TTYH2: variants seen among roughly 807,000 people sequenced by gnomAD.
TTYH2 encodes protein tweety homolog 2.
In TTYH2, 49 loss-of-function variants were observed where a neutral mutation model predicts 68.3. The observed-to-expected ratio is 0.72, with a 90% CI of 0.57 to 0.91. TTYH2 has a LOEUF of 0.91. Among genes scored for constraint, TTYH2 ranks in the 40% least tolerant of loss-of-function variants. The pLI, the probability that TTYH2 is intolerant of heterozygous loss-of-function variation, is 0.00. For missense variants in TTYH2, 631 were observed against 700.4 expected (o/e 0.90, Z 1.12); for synonymous variants, 272 against 300.8 (o/e 0.90, Z 0.99).
intron 11 of TTYH2, 81 bp from the exon 12 acceptor site, chr17:74,253,000 G>A (rs1184312325): frequency 6.8e-7 from 1 of 1,467,478 alleles, no homozygotes; most frequent in East Asian, 2.3e-5. Flanking sequence ...GGGAGGAAAG[G>A]CAGGGAAGTA....
chr17:74,244,101 C>T (rs1426520935), intron 6 of TTYH2, 52 bp downstream of exon 6: 2 of 1,554,660 alleles, frequency 1.3e-6, no homozygotes, highest in East Asian at 4.5e-5. Context: ...TGCCAGGACA[C>T]TCTGGTGTGT....
chr17:74,259,596 G>T (rs1033738629), intron 13 of TTYH2, among the ~76,000 whole-genome samples: 2 of 152,142 alleles, frequency 1.3e-5, no homozygotes, highest in African/African-American at 4.8e-5. Flanking sequence ...GGCTCCCCAG[G>T]TGTTTCTGGC....
Position 74,260,116 on chromosome 17 carries a change from T to C in TTYH2, c.1525-13T>C. ...ACTCAGCTCTGACCATCCCCTCTCTTCTCTCTTGGCAGTACTCTCCCAGCA... is the reference window on the plus strand; with the variant it reads ...ACTCAGCTCTGACCATCCCCTCTCTCCTCTCTTGGCAGTACTCTCCCAGCA... On this transcript the variant is annotated splice_polypyrimidine_tract_variant and intron_variant, in intron 13 of 13. Transcript: ENST00000269346. 6.2e-7 allele frequency: 1 copy of C among 1,612,746 alleles called. No homozygotes were observed. The highest frequency in any genetic ancestry group is 2.2e-5 in the East Asian group (1 of 44,854).
intron 13 of TTYH2, among the ~76,000 whole-genome samples, chr17:74,255,474 C>T (rs911189214): frequency 6.6e-6 from 1 of 151,352 alleles, no homozygotes; most frequent in Non-Finnish European, 1.5e-5. Flanking sequence ...TTTTTTGAGA[C>T]GGAGTCTCAC....
At chr17:74,238,113 G>A (rs868523578) in intron 4 of TTYH2, among the ~76,000 whole-genome samples, 3 of 152,072 alleles carry the variant, frequency 2.0e-5, no homozygotes, top group South Asian at 2.1e-4. Context: ...TCCCGCACAC[G>A]GTGGGGTGCT....
At position 74,213,574 on chromosome 17, in the gene TTYH2, ACT is replaced by A; in HGVS notation, c.-12_-11del. On this transcript the variant is annotated 5_prime_UTR_variant, in exon 1 of 14. Coordinates refer to ENST00000269346, the MANE Select transcript of TTYH2 (RefSeq NM_032646.6). This position sits in a 1 kb window ranked among gnomAD's most constrained non-coding sequence, Gnocchi z 6.1. ...AGCTGTCGTTCAGCTTGTGGGTAGC[ACT>A]CGGGCCGAGCCATGCAGGCGGCGCG... 6.2e-7 allele frequency: 1 copy of A among 1,606,228 alleles called. No homozygotes were observed. Among genetic ancestry groups the A allele is most frequent in the Non-Finnish European group, 8.5e-7 (1 of 1,177,448 alleles).
intron 3 of TTYH2, among the ~76,000 whole-genome samples, chr17:74,235,798 G>A (rs1280727255): frequency 6.6e-6 from 1 of 151,654 alleles, no homozygotes; most frequent in African/African-American, 2.4e-5. Context: ...GGAGGCTGAG[G>A]CAGGAGAATC....
At position 74,215,191 on chromosome 17, in the gene TTYH2, G is replaced by A. The variant is rs2050210599; in HGVS notation, c.129+1475G>A. Among the ~76,000 whole-genome samples, 1 of 152,038 alleles carries A rather than the reference G, an allele frequency of 6.6e-6. No individual in the cohort carries two copies. Among genetic ancestry groups the A allele is most frequent in the Admixed American group, 6.6e-5 (1 of 15,264 alleles). ...CAGCCGTGTGTGTGTGTGTGTGTGT[G>A]TGTGTGTGTGTGTCCCCATCCCAAA... On this transcript the variant is annotated intron_variant, in intron 1 of 13. Transcript: ENST00000269346. The surrounding 1 kb of genome is among the most constrained non-coding windows in gnomAD (Gnocchi z 4.3).
At chr17:74,243,213 G>A (rs772377749) in intron 4 of TTYH2, among the ~76,000 whole-genome samples, 161 bp from the exon 5 acceptor site, 6 of 152,126 alleles carry the variant, frequency 3.9e-5, no homozygotes, top group Non-Finnish European at 7.4e-5. Flanking sequence ...TGCAGCTCCC[G>A]AGGCTTCAGC....
At chr17:74,253,310 C>T (rs1387869324) in intron 12 of TTYH2, 44 bp downstream of exon 12, 27 of 1,524,562 alleles carry the variant, frequency 1.8e-5, no homozygotes, top group Non-Finnish European at 2.3e-5. Context: ...ACTGCCCGGA[C>T]AGCATGTTGG....
intron 1 of TTYH2, among the ~76,000 whole-genome samples, chr17:74,221,731 T>C (rs2143718769): frequency 6.6e-6 from 1 of 152,302 alleles, no homozygotes; most frequent in Non-Finnish European, 1.5e-5. Context: ...CTCAGGCCCC[T>C]CCGGCCCCCT....
intron 10 of TTYH2, among the ~76,000 whole-genome samples, chr17:74,250,926 C>CACAGAA (rs61388469): frequency 0.41 from 62,801 of 151,658 alleles, 13,639 homozygotes; most frequent in African/African-American, 0.53. Flanking sequence ...CATTTTATAT[C>CACAGAA]CAGTATGTCA....
intron 11 of TTYH2, 84 bp from the exon 12 acceptor site, chr17:74,252,997 A>G (rs1415507665): frequency 1.4e-6 from 2 of 1,446,318 alleles, no homozygotes; most frequent in East Asian, 2.3e-5. Context: ...CCTGGGAGGA[A>G]AGGCAGGGAA....
At position 74,213,790 on chromosome 17, in the gene TTYH2, C is replaced by T; in HGVS notation, c.129+74C>T. 2 of 1,539,380 alleles carry T rather than the reference C, an allele frequency of 1.3e-6. No homozygotes were observed. The highest frequency in any genetic ancestry group is 1.2e-5 in the South Asian group (1 of 84,026). On this transcript the variant is annotated intron_variant, in intron 1 of 13. Coordinates refer to ENST00000269346, the MANE Select transcript of TTYH2 (RefSeq NM_032646.6). This position sits in a 1 kb window ranked among gnomAD's most constrained non-coding sequence, Gnocchi z 6.1. ...GCACTACCCCCTCTCCCCTCGAGAGCCTGCACTTTCCCACGTGCCTCTCAG... is the reference window on the plus strand; with the variant it reads ...GCACTACCCCCTCTCCCCTCGAGAGTCTGCACTTTCCCACGTGCCTCTCAG...
intron 9 of TTYH2, 47 bp downstream of exon 9, chr17:74,250,075 A>T: frequency 6.2e-7 from 1 of 1,600,866 alleles, no homozygotes. Flanking sequence ...GAACCCTGAC[A>T]GCCCTTTCCC....
At chr17:74,227,229 C>T (rs1308830037) in intron 2 of TTYH2, among the ~76,000 whole-genome samples, 1 of 152,226 alleles carries the variant, frequency 6.6e-6, no homozygotes, top group Non-Finnish European at 1.5e-5. Flanking sequence ...CCTGCCTCAG[C>T]CTCCCAAAGT....
intron 4 of TTYH2, among the ~76,000 whole-genome samples, chr17:74,240,433 T>G (rs1364299454): frequency 6.7e-6 from 1 of 149,762 alleles, no homozygotes; most frequent in Admixed American, 6.6e-5. Flanking sequence ...AGTGAGACTC[T>G]GTCTCAAAAA....
intron 2 of TTYH2, among the ~76,000 whole-genome samples, chr17:74,225,877 C>T (rs1051624091): frequency 2.6e-5 from 4 of 152,138 alleles, no homozygotes; most frequent in African/African-American, 4.8e-5. Flanking sequence ...GGCAGAGGGT[C>T]GCATAGATGC....
chr17:74,257,640 A>T (rs913810184), intron 13 of TTYH2, among the ~76,000 whole-genome samples: 3 of 152,148 alleles, frequency 2.0e-5, no homozygotes, highest in African/African-American at 7.2e-5. Flanking sequence ...CTTGCTGGAA[A>T]TGTTTCTTCC....
Sources: allele counts gnomAD v4.1 joint callset (sites outside exome capture counted in the v4.1 genomes callset), GRCh38; gene constraint gnomAD v4.1.1; non-coding constraint Gnocchi (gnomAD v3.1); transcripts MANE v1.5; gene names NCBI Gene and HGNC (gene_info 2026-07-23, HGNC 2026-07-21).